SACM1L: variants seen among roughly 807,000 people sequenced by gnomAD.
SACM1L encodes phosphatidylinositol-3-phosphatase SAC1.
In SACM1L, 32 loss-of-function variants were observed where a neutral mutation model predicts 89.5. That is an observed-to-expected ratio of 0.36 (90% CI 0.27 to 0.48). SACM1L has a LOEUF of 0.48. Among genes scored for constraint, SACM1L ranks in the 20% least tolerant of loss-of-function variants. The pLI is 0.99. For synonymous variants in SACM1L, 213 were observed against 232.8 expected (o/e 0.92, Z 0.77); for missense variants, 543 against 708.5 (o/e 0.77, Z 2.65).
rs376803386 is a variant in SACM1L, at chr3:45,706,841, C to G, written c.267C>G (p.Val89=). The change falls in exon 4 of 20, where the codon GTC becomes GTG. Residue 89 remains valine, a synonymous_variant. Transcript: ENST00000389061. ...IKVGEFFSHV[V]WKATDFDVLS... ...TAGGTGAATTTTTCAGTCATGTAGT[C>G]TGGAAAGCAACAGATTTTGATGTCC... The G allele has an allele frequency of 5.6e-6, 9 of 1,612,726 alleles. No individual in the cohort carries two copies. In the African/African-American group the frequency reaches 1.2e-4, roughly 22 times the overall value.
chr3:45,690,188 G>T (rs1473357835), intron 1 of SACM1L: 2 of 152,202 alleles, frequency 1.3e-5, no homozygotes, highest in Non-Finnish European at 2.9e-5. Flanking sequence ...GGCTGTGGTT[G>T]TTAAGAGTTA....
chr3:45,736,969 A>G (rs371597377), intron 14 of SACM1L, among the ~76,000 whole-genome samples: 3 of 152,266 alleles, frequency 2.0e-5, no homozygotes, highest in East Asian at 1.9e-4. Flanking sequence ...GTAAGCAATG[A>G]AGATGGTGGT....
chr3:45,737,437 T>A, intron 14 of SACM1L, 146 bp from the exon 15 acceptor site: 1 of 797,148 alleles, frequency 1.3e-6, no homozygotes. Flanking sequence ...TGCTGTGAGC[T>A]GGGGCCCCCT....
chr3:45,707,094 G>GTTTT, intron 4 of SACM1L, 187 bp downstream of exon 4: 2 of 365,580 alleles, frequency 5.5e-6, no homozygotes, highest in Admixed American at 4.9e-5. Context: ...TGTTGCTCTT[G>GTTTT]TTTTTTTTTT....
chr3:45,719,660 C>A, intron 8 of SACM1L, 59 bp downstream of exon 8: 1 of 911,604 alleles, frequency 1.1e-6, no homozygotes, highest in Non-Finnish European at 1.7e-6. Flanking sequence ...TACGGTGACA[C>A]GAATGTAACC....
chr3:45,741,272 T>C (rs1456828636), intron 19 of SACM1L, among the ~76,000 whole-genome samples: 1 of 152,218 alleles, frequency 6.6e-6, no homozygotes, highest in Non-Finnish European at 1.5e-5. Context: ...TCACCTTCTG[T>C]CTGGATTTCC....
intron 19 of SACM1L, chr3:45,740,036 G>A: frequency 4.9e-6 from 1 of 202,578 alleles, no homozygotes; most frequent in Non-Finnish European, 1.0e-5. Context: ...TATTAAATGG[G>A]GAAAGAGTGT....
At position 45,738,645 on chromosome 3, in the gene SACM1L, A is replaced by G; in HGVS notation, c.1450A>G (p.Asn484Asp). 6.2e-7 allele frequency: 1 copy of G among 1,612,076 alleles called. No individual in the cohort carries two copies. Among genetic ancestry groups the G allele is most frequent in the Non-Finnish European group, 8.5e-7 (1 of 1,178,270 alleles). ...GAACTCAATGATACGATATTATAAG[A>G]ACAACTTTTCCGATGGATTTAGACA... The part of the protein sequence containing the change: ...GWNSMIRYYK[N>D]NFSDGFRQDS... Residue 484 changes from asparagine to aspartate, a missense_variant, in exon 17 of 20, where the codon AAC (asparagine) becomes GAC (aspartate). Transcript: ENST00000389061.
intron 14 of SACM1L, among the ~76,000 whole-genome samples, chr3:45,735,815 G>A (rs998102864): frequency 6.6e-6 from 1 of 152,112 alleles, no homozygotes; most frequent in African/African-American, 2.4e-5. Context: ...CACCAATAAT[G>A]AATCAGTAAA....
chr3:45,737,917 C>A, intron 16 of SACM1L, 73 bp downstream of exon 16: 1 of 1,236,698 alleles, frequency 8.1e-7, no homozygotes, highest in Non-Finnish European at 1.2e-6. Flanking sequence ...ATCACCTGGG[C>A]AGCTTTCAGA....
intron 11 of SACM1L, among the ~76,000 whole-genome samples, chr3:45,726,618 A>C (rs1354280281): frequency 6.6e-6 from 1 of 152,068 alleles, no homozygotes; most frequent in Non-Finnish European, 1.5e-5. Flanking sequence ...CAGTCTAGCT[A>C]AGAGTTTGTG....
intron 1 of SACM1L, chr3:45,690,155 A>C (rs1697940004): frequency 6.6e-6 from 1 of 152,328 alleles, no homozygotes; most frequent in Admixed American, 6.5e-5. Context: ...GGTAAATCCA[A>C]GTTCTTGAGT....
chr3:45,731,715 T>C (rs1181757618), intron 12 of SACM1L, among the ~76,000 whole-genome samples: 3 of 152,242 alleles, frequency 2.0e-5, no homozygotes, highest in Non-Finnish European at 1.5e-5. Flanking sequence ...ATTGCTGTAC[T>C]TGAGCTTACT....
chr3:45,737,898 C>T (rs1343930751), intron 16 of SACM1L, 54 bp downstream of exon 16: 2 of 1,441,752 alleles, frequency 1.4e-6, no homozygotes, highest in African/African-American at 2.8e-5. Flanking sequence ...AGTCCTGGTG[C>T]TTTTAAAAAT....
intron 11 of SACM1L, among the ~76,000 whole-genome samples, chr3:45,724,399 T>A (rs1270008816): frequency 6.6e-6 from 1 of 152,040 alleles, no homozygotes; most frequent in Non-Finnish European, 1.5e-5. Context: ...TCTAATGATT[T>A]GTGTGATTTT....
At position 45,689,397 on chromosome 3, in the gene SACM1L, G is replaced by A; in HGVS notation, c.-69G>A. On this transcript the variant is annotated 5_prime_UTR_variant, in exon 1 of 20. Transcript: ENST00000389061. The stretch of plus-strand genomic sequence containing the variant: ...GGCCGCTGTGCCAGGGTGACCGGTA[G>A]AGTTGTAGCCGAGGTGGCGGCGCGG... 1 of 1,544,794 alleles carries A rather than the reference G, an allele frequency of 6.5e-7. No individual in the cohort carries two copies. Among genetic ancestry groups the A allele is most frequent in the Non-Finnish European group, 8.8e-7 (1 of 1,141,984 alleles).
chr3:45,737,342 T>C, intron 14 of SACM1L: 1 of 535,674 alleles, frequency 1.9e-6, no homozygotes, highest in Non-Finnish European at 3.3e-6. Context: ...ATAGTCCTGC[T>C]GCTATCCCTC....
At chr3:45,705,496 ATTT>A (rs36040487) in intron 3 of SACM1L, among the ~76,000 whole-genome samples, 4 of 103,194 alleles carry the variant, frequency 3.9e-5, no homozygotes, top group African/African-American at 8.7e-5. Flanking sequence ...TGTAAATAAA[ATTT>A]TTTTTTTTTT....
chr3:45,739,288 T>C (rs1019129), intron 18 of SACM1L, among the ~76,000 whole-genome samples: 95,683 of 151,968 alleles, frequency 0.63, 30,563 homozygotes, highest in Non-Finnish European at 0.66. Flanking sequence ...TGTCAAGTGC[T>C]CTGGAATGGA....
Sources: gnomAD v4.1 joint callset for allele counts (sites outside exome capture counted in the v4.1 genomes callset) on GRCh38, gnomAD v4.1.1 for gene constraint, MANE v1.5 for transcripts, NCBI Gene and HGNC (gene_info 2026-07-23, HGNC 2026-07-21) for gene names.